The following PSORS1C1 variants were observed in gnomAD, a reference collection of about 807,000 sequenced individuals.
The protein encoded by PSORS1C1 is psoriasis susceptibility 1 candidate 1, also known as psoriasis susceptibility 1 candidate gene 1 protein.
Under a neutral mutation model 9.4 loss-of-function variants are expected in PSORS1C1, and 7 were observed. The observed-to-expected ratio is 0.75, with a 90% confidence interval of 0.42 to 1.40. PSORS1C1 has a LOEUF of 1.40. Among genes scored for constraint, PSORS1C1 ranks in the 40% most tolerant of loss-of-function variants. The probability of loss-of-function intolerance (pLI) is 0.01; values close to 1 mark genes in which losing one functional copy is unlikely to be tolerated. For synonymous variants in PSORS1C1, 63 were observed against 69.4 expected (o/e 0.91, Z 0.46); for missense variants, 146 against 178.1 (o/e 0.82, Z 1.02).
At chr6:31,135,129 T>A (rs1773087196) in intron 3 of PSORS1C1, among the ~76,000 whole-genome samples, 1 of 152,262 alleles carries the variant, frequency 6.6e-6, no homozygotes, top group Non-Finnish European at 1.5e-5. Flanking sequence ...TGCACATTTT[T>A]AAGTCAACAT....
At chr6:31,136,579 G>A (rs1274536874) in intron 3 of PSORS1C1, among the ~76,000 whole-genome samples, 3 of 151,970 alleles carry the variant, frequency 2.0e-5, no homozygotes, top group African/African-American at 4.8e-5. Context: ...TGGTCCTGCC[G>A]ACACACCCCT....
intron 3 of PSORS1C1, chr6:31,137,546 G>A (rs1446109861): frequency 4.7e-6 from 1 of 214,934 alleles, no homozygotes; most frequent in Non-Finnish European, 9.1e-6. Flanking sequence ...AAGAAAACAT[G>A]ATTTTTATTT....
chr6:31,119,587 G>A (rs935599264), intron 1 of PSORS1C1, among the ~76,000 whole-genome samples: 2 of 152,138 alleles, frequency 1.3e-5, no homozygotes, highest in South Asian at 2.1e-4. Flanking sequence ...CTTTCATACC[G>A]TTCTTGTAAT....
Position 31,116,036 on chromosome 6 carries a change from T to C in PSORS1C1, c.-229+1145T>C, listed in dbSNP as rs3130981. 1,206,854 of 1,606,800 alleles carry C rather than the reference T, an allele frequency of 0.75. 456,313 individuals are homozygous for C. The highest frequency in any genetic ancestry group is 0.9 in the African/African-American group (67,240 of 74,878). On this transcript the variant is annotated intron_variant, in intron 1 of 5. Coordinates refer to ENST00000259881, the MANE Select transcript of PSORS1C1 (RefSeq NM_014068.3). ...CAACAGTTGACTTCTTATGGACTGT[T>C]GAGTAACTCTCCTTGGGGTAGGAAA...
rs1188899054 is a variant in PSORS1C1, at chr6:31,115,022, T to C, written c.-229+131T>C. ...CGGTGAATGAGGAATGGGAAGAGAA[T>C]GGATTTCCTGGAGCAATGAGAGAGG... On this transcript the variant is annotated intron_variant, in intron 1 of 5. Transcript: ENST00000259881. The surrounding 1 kb of genome is among the most constrained non-coding windows in gnomAD (Gnocchi z 4.2). 2.6e-6 allele frequency: 1 copy of C among 383,496 alleles called. No individual in the cohort carries two copies. The highest frequency in any genetic ancestry group is 5.1e-6 in the Non-Finnish European group (1 of 194,294). 23.8% of individuals were successfully genotyped at this position (383,496 alleles called of 1,614,324 possible).
At chr6:31,127,450 C>G (rs1459506038) in intron 2 of PSORS1C1, among the ~76,000 whole-genome samples, 1 of 152,134 alleles carries the variant, frequency 6.6e-6, no homozygotes, top group Non-Finnish European at 1.5e-5. Context: ...ACTAGAACAT[C>G]TTCACCAGAG....
At chr6:31,124,708 G>A (rs1338235423) in intron 1 of PSORS1C1, among the ~76,000 whole-genome samples, 5 of 152,184 alleles carry the variant, frequency 3.3e-5, no homozygotes, top group African/African-American at 7.2e-5. Flanking sequence ...GGTGGCTCAC[G>A]CCTGTAATCC....
At position 31,138,652 on chromosome 6, in the gene PSORS1C1, C is replaced by A; in HGVS notation, c.44-4C>A. 1.2e-6 allele frequency: 2 copies of A among 1,613,236 alleles called. No homozygotes were observed. Among genetic ancestry groups the A allele is most frequent in the Non-Finnish European group, 1.7e-6 (2 of 1,179,984 alleles). On this transcript the variant is annotated splice_region_variant and splice_polypyrimidine_tract_variant and intron_variant, in intron 4 of 5. Coordinates refer to ENST00000259881, the MANE Select transcript of PSORS1C1 (RefSeq NM_014068.3). ...CCCAAAGTGGGTTACACCTTGGCCCCCAGGCACACAGACCCCAGCTTTACA... is the reference window on the plus strand; with the variant it reads ...CCCAAAGTGGGTTACACCTTGGCCCACAGGCACACAGACCCCAGCTTTACA...
intron 1 of PSORS1C1, among the ~76,000 whole-genome samples, chr6:31,124,510 G>T (rs1772598023): frequency 6.6e-6 from 1 of 152,202 alleles, no homozygotes. Flanking sequence ...TCAAACCCAG[G>T]CCTGTTGGAC....
intron 2 of PSORS1C1, among the ~76,000 whole-genome samples, chr6:31,127,274 C>T (rs6931633): frequency 0.24 from 36,843 of 151,900 alleles, 4,803 homozygotes; most frequent in Middle Eastern, 0.37. Context: ...GTGTTCTGGG[C>T]TGTCTGAGTG....
chr6:31,138,356 C>T (rs1411694208), intron 3 of PSORS1C1, 74 bp from the exon 4 acceptor site: 1 of 1,593,592 alleles, frequency 6.3e-7, no homozygotes, highest in Admixed American at 1.7e-5. Context: ...CTTCTCTCCC[C>T]AGCCCCACCC....
Position 31,128,383 on chromosome 6 carries a change from A to G in PSORS1C1, c.-64-1186A>G, listed in dbSNP as rs981012055. On this transcript the variant is annotated intron_variant, in intron 2 of 5. Transcript: ENST00000259881. The surrounding 1 kb of genome is among the most constrained non-coding windows in gnomAD (Gnocchi z 4.3). ...TAGAGGTTATTAAAGAAATCCCCCTAAAGTCCCATCCCAAGGTCACATAGA... is the reference window on the plus strand; with the variant it reads ...TAGAGGTTATTAAAGAAATCCCCCTGAAGTCCCATCCCAAGGTCACATAGA... Among the ~76,000 whole-genome samples, 1 of 152,176 alleles carries G rather than the reference A, an allele frequency of 6.6e-6. No homozygotes were observed. Among genetic ancestry groups the G allele is most frequent in the Non-Finnish European group, 1.5e-5 (1 of 68,042 alleles).
intron 4 of PSORS1C1, 54 bp from the exon 5 acceptor site, chr6:31,138,600 TAG>T: frequency 6.2e-7 from 1 of 1,612,064 alleles, no homozygotes. Flanking sequence ...GGTACCCCAC[TAG>T]CTTTGTCCTC....
chr6:31,116,181 A>C, intron 1 of PSORS1C1: 2 of 1,613,034 alleles, frequency 1.2e-6, no homozygotes, highest in Non-Finnish European at 1.7e-6. Context: ...CAGCGGAGGG[A>C]TCAGGATGGG....
At chr6:31,118,837 CTTCTTCTTTTTTTT>C (rs1212439116) in intron 1 of PSORS1C1, 3 of 92,456 alleles carry the variant, frequency 3.2e-5, no homozygotes, top group African/African-American at 1.4e-4. Context: ...GTTTTTTCTT[CTTCTTCTTTTTTTT>C]TTTTTTTTTT....
intron 3 of PSORS1C1, among the ~76,000 whole-genome samples, chr6:31,131,064 G>A (rs1772889996): frequency 6.6e-6 from 1 of 152,052 alleles, no homozygotes; most frequent in South Asian, 2.1e-4. Context: ...TGATAGAGGA[G>A]AGAGACTTTC....
At chr6:31,117,552 G>C (rs758447929) in intron 1 of PSORS1C1, 3 of 1,547,202 alleles carry the variant, frequency 1.9e-6, no homozygotes, top group African/African-American at 2.7e-5. Flanking sequence ...GCAGTGGTTA[G>C]TAAGGGCCAA....
intron 1 of PSORS1C1, among the ~76,000 whole-genome samples, chr6:31,119,863 G>A (rs1581842385): frequency 2.0e-5 from 3 of 152,130 alleles, no homozygotes; most frequent in Admixed American, 6.5e-5. Flanking sequence ...CCGAGATTAC[G>A]CCACTGCACT....
intron 1 of PSORS1C1, among the ~76,000 whole-genome samples, chr6:31,123,227 C>G (rs1772540890): frequency 6.6e-6 from 1 of 152,218 alleles, no homozygotes. Context: ...TCCACCCCAT[C>G]CTGCCACCCT....
Sources: gnomAD v4.1 joint callset for allele counts (sites outside exome capture counted in the v4.1 genomes callset) on GRCh38, gnomAD v4.1.1 for gene constraint, Gnocchi (gnomAD v3.1) non-coding constraint, MANE v1.5 for transcripts, NCBI Gene and HGNC (gene_info 2026-07-23, HGNC 2026-07-21) for gene names.